MYDGF: variants seen among roughly 807,000 people sequenced by gnomAD.
MYDGF encodes myeloid-derived growth factor.
Under a neutral mutation model 24.2 loss-of-function variants are expected in MYDGF, and 29 were observed. That is an observed-to-expected ratio of 1.20 (90% CI 0.89 to 1.63). The LOEUF is 1.63. Among genes scored for constraint, MYDGF ranks in the 40% most tolerant of loss-of-function variants. The probability of loss-of-function intolerance (pLI) is 0.00; values close to 1 mark genes in which losing one functional copy is unlikely to be tolerated. For missense variants in MYDGF, 245 were observed against 234.8 expected (o/e 1.04, Z -0.29); for synonymous variants, 105 against 102.5 (o/e 1.02, Z -0.15).
chr19:4,659,996 G>A lies in MYDGF; in HGVS notation c.377C>T (p.Ala126Val). The A allele has an allele frequency of 5.6e-6, 9 of 1,613,828 alleles. No homozygotes were observed. The highest frequency in any genetic ancestry group is 7.6e-6 in the Non-Finnish European group (9 of 1,179,928). The change falls in exon 5 of 6, where the codon GCC becomes GTC. Residue 126 changes from alanine (A) to valine (V), a missense_variant. Physicochemically the swap from Ala to Val is moderately conservative, Grantham distance 64. Coordinates refer to ENST00000262947, the MANE Select transcript of MYDGF (RefSeq NM_019107.4). ...EIEYAMAYSK[A>V]AFERESDVPL... ...GACATCACTTTCCCTTTCAAATGCG[G>A]CTTTAGACTGAAAAAGAATGAGTGG... is the stretch of plus-strand genomic sequence containing the variant.
chr19:4,661,138 G>C (rs1416557757), intron 3 of MYDGF, among the ~76,000 whole-genome samples: 1 of 151,770 alleles, frequency 6.6e-6, no homozygotes, highest in Non-Finnish European at 1.5e-5. Context: ...GACTAATTTT[G>C]GTATTTTTAG....
In MYDGF at chr19:4,670,159, A is replaced by G; in HGVS notation, c.174+2T>C. On this transcript the variant is annotated splice_donor_variant, in intron 1 of 5. Transcript: ENST00000262947. LOFTEE classifies it high-confidence loss of function. ...AATATCCGGGACGGCGGTGGCACGT[A>G]CCCCCGGGCCCACGTTATGGGAGAA... is the stretch of plus-strand genomic sequence containing the variant. 6.6e-7 allele frequency: 1 copy of G among 1,519,030 alleles called. No individual in the cohort carries two copies. 94.1% of individuals were successfully genotyped at this position (1,519,030 alleles called of 1,614,324 possible). A position where few individuals can be genotyped will look rare whatever the true frequency, so the allele number is the denominator to read the frequency against.
chr19:4,666,977 T>C (rs559231500), intron 2 of MYDGF, among the ~76,000 whole-genome samples: 1 of 152,214 alleles, frequency 6.6e-6, no homozygotes, highest in South Asian at 2.1e-4. Flanking sequence ...AGATTTCAGT[T>C]CCTCTTGGTT....
chr19:4,669,725 G>C (rs764100343), intron 1 of MYDGF, among the ~76,000 whole-genome samples: 1 of 152,140 alleles, frequency 6.6e-6, no homozygotes, highest in African/African-American at 2.4e-5. Flanking sequence ...CGGTGAGGGG[G>C]GACCTTGTGC....
Position 4,660,640 on chromosome 19 carries a change from C to T in MYDGF, c.369+29G>A, listed in dbSNP as rs140877004. 205 of 1,600,872 alleles carry T rather than the reference C, an allele frequency of 1.3e-4. 2 individuals are homozygous for T. The African/African-American group carries it at 1.3e-3, about 10-fold the overall frequency. On this transcript the variant is annotated intron_variant, in intron 4 of 5. Transcript: ENST00000262947. Reference sequence around the variant, plus strand: ...TGCCCCAGTGCACAGAAGCCACACCCGGAGCCTGCCCCACTCCAAGATACT... The same window carrying T: ...TGCCCCAGTGCACAGAAGCCACACCTGGAGCCTGCCCCACTCCAAGATACT...
At chr19:4,658,216 A>G in intron 5 of MYDGF, 132 bp from the exon 6 acceptor site, 4 of 682,246 alleles carry the variant, frequency 5.9e-6, no homozygotes, top group Non-Finnish European at 9.8e-6. Context: ...TCCCATGTGA[A>G]AAGGCCCCAG....
intron 2 of MYDGF, 133 bp from the exon 3 acceptor site, chr19:4,665,070 C>A: frequency 1.1e-6 from 1 of 928,236 alleles, no homozygotes. Flanking sequence ...ACTAAATCCC[C>A]TGCCCCGCCC....
At chr19:4,664,591 G>A (rs538049437) in intron 3 of MYDGF, among the ~76,000 whole-genome samples, 11 of 151,866 alleles carry the variant, frequency 7.2e-5, no homozygotes, top group African/African-American at 2.2e-4. Flanking sequence ...CCTGGTCCAC[G>A]CTCCGCACCC....
chr19:4,668,197 G>A (rs781703528), intron 2 of MYDGF, among the ~76,000 whole-genome samples: 3 of 152,192 alleles, frequency 2.0e-5, no homozygotes, highest in Non-Finnish European at 2.9e-5. Flanking sequence ...AAAATACCTT[G>A]AGTTTGGTTT....
Position 4,657,609 on chromosome 19 carries a change from G to C in MYDGF, c.*396C>G, listed in dbSNP as rs755763623. ...CATTTCATCTCTTCCCAGTTCATCTGAAAGGAGGTCCCCTGGGTAAACATA... is the reference window on the plus strand; with the variant it reads ...CATTTCATCTCTTCCCAGTTCATCTCAAAGGAGGTCCCCTGGGTAAACATA... On this transcript the variant is annotated 3_prime_UTR_variant, in exon 6 of 6. Transcript: ENST00000262947. 1.0e-4 allele frequency: 17 copies of C among 163,236 alleles called. No individual in the cohort carries two copies. The highest frequency in any genetic ancestry group is 1.9e-4 in the Non-Finnish European group (14 of 75,546). The allele number at this position is 163,236 out of a possible 1,614,324, so 10.1% of individuals were successfully genotyped here.
chr19:4,663,328 G>A (rs55682765), intron 3 of MYDGF, among the ~76,000 whole-genome samples: 2 of 97,662 alleles, frequency 2.0e-5, no homozygotes, highest in African/African-American at 9.5e-5. Flanking sequence ...TCCAATCTAC[G>A]CTCCCATCCA....
chr19:4,665,032 T>C, intron 2 of MYDGF, 95 bp from the exon 3 acceptor site: 3 of 1,344,812 alleles, frequency 2.2e-6, no homozygotes, highest in Non-Finnish European at 3.1e-6. Flanking sequence ...GGCCACCTCT[T>C]CTGTACCTCC....
At chr19:4,669,650 G>A (rs775452618) in intron 1 of MYDGF, among the ~76,000 whole-genome samples, 6 of 152,326 alleles carry the variant, frequency 3.9e-5, no homozygotes, top group Middle Eastern at 3.4e-3. Context: ...GGAAAGGGAG[G>A]CTGAGAGGGG....
Position 4,659,110 on chromosome 19 carries a change from C to G in MYDGF, c.442+821G>C, listed in dbSNP as rs1475241897. Among the ~76,000 whole-genome samples the G allele has an allele frequency of 3.3e-5, 5 of 151,930 alleles. No individual in the cohort carries two copies. In the East Asian group the frequency reaches 9.8e-4, roughly 30 times the overall value. ...ATTGTTTTTGAGACAGAGTCTTACTCTGATGCCCAGGCTGGAGTGCAGTGG... is the reference window on the plus strand; with the variant it reads ...ATTGTTTTTGAGACAGAGTCTTACTGTGATGCCCAGGCTGGAGTGCAGTGG... On this transcript the variant is annotated intron_variant, in intron 5 of 5. Transcript: ENST00000262947.
At chr19:4,670,088 C>T in intron 1 of MYDGF, 73 bp downstream of exon 1, 1 of 1,380,066 alleles carries the variant, frequency 7.2e-7, no homozygotes, top group East Asian at 2.9e-5. Flanking sequence ...TCCTCGGGCC[C>T]CGCCCCCAAT....
chr19:4,659,920 T>C lies in MYDGF; in HGVS notation c.442+11A>G. 1 of 1,613,602 alleles carries C rather than the reference T, an allele frequency of 6.2e-7. No individual in the cohort carries two copies. Among genetic ancestry groups the C allele is most frequent in the Non-Finnish European group, 8.5e-7 (1 of 1,179,604 alleles). ...TGGCGTCACCTCTACCCCATCCCCA[T>C]CTTTCCGTACCTGCTGTTTTGGTCA... On this transcript the variant is annotated intron_variant, in intron 5 of 5. Transcript: ENST00000262947.
At chr19:4,664,838 A>G (rs1178079855) in intron 3 of MYDGF, 38 bp downstream of exon 3, 4 of 1,607,848 alleles carry the variant, frequency 2.5e-6, no homozygotes, top group Non-Finnish European at 8.5e-7. Flanking sequence ...GGGCAGGCCA[A>G]CGGCAGCCGG....
At chr19:4,666,192 C>A (rs2088520339) in intron 2 of MYDGF, among the ~76,000 whole-genome samples, 1 of 152,018 alleles carries the variant, frequency 6.6e-6, no homozygotes, top group African/African-American at 2.4e-5. Flanking sequence ...CACCGGGGAA[C>A]CTGGTTAAAC....
At chr19:4,660,935 A>G (rs2088465787) in intron 3 of MYDGF, among the ~76,000 whole-genome samples, 185 bp from the exon 4 acceptor site, 1 of 150,882 alleles carries the variant, frequency 6.6e-6, no homozygotes, top group Non-Finnish European at 1.5e-5. Context: ...GGCCCTCTCA[A>G]CAGCAGACCC....
Sources: gnomAD v4.1 joint callset for allele counts (sites outside exome capture counted in the v4.1 genomes callset) on GRCh38, gnomAD v4.1.1 for gene constraint, MANE v1.5 for transcripts, NCBI Gene and HGNC (gene_info 2026-07-23, HGNC 2026-07-21) for gene names.